Variants in MAST2 observed in about 807,000 individuals in gnomAD.
MAST2 encodes microtubule associated serine/threonine kinase 2.
In MAST2, 70 loss-of-function variants were observed where a neutral mutation model predicts 147.4. The ratio of observed to expected loss-of-function variants is 0.47; its 90% CI spans 0.39 to 0.58. The LOEUF (loss-of-function observed/expected upper bound fraction) is 0.58. Among genes scored for constraint, MAST2 ranks in the 20% least tolerant of loss-of-function variants. MAST2 has a pLI of 0.00. For synonymous variants in MAST2, 869 were observed against 896.8 expected (o/e 0.97, Z 0.55); for missense variants, 2,080 against 2,302.3 (o/e 0.90, Z 1.98).
intron 3 of MAST2, among the ~76,000 whole-genome samples, chr1:45,852,385 A>C (rs1645651120): frequency 6.6e-6 from 1 of 152,040 alleles, no homozygotes; most frequent in Non-Finnish European, 1.5e-5. Context: ...CTTTTGATAC[A>C]GGGTCTCACT....
intron 4 of MAST2, among the ~76,000 whole-genome samples, chr1:45,927,453 A>G (rs980976439): frequency 3.9e-5 from 6 of 152,192 alleles, no homozygotes; most frequent in South Asian, 2.1e-4. Flanking sequence ...TTATAAGCCA[A>G]TACCTCCAGG....
intron 4 of MAST2, among the ~76,000 whole-genome samples, chr1:45,889,327 C>G (rs1647302565): frequency 6.6e-6 from 1 of 152,058 alleles, no homozygotes; most frequent in African/African-American, 2.4e-5. Flanking sequence ...GCTGGGACCA[C>G]AGGTGCACGC....
At chr1:45,887,414 G>T (rs1462459105) in intron 4 of MAST2, among the ~76,000 whole-genome samples, 3 of 152,148 alleles carry the variant, frequency 2.0e-5, no homozygotes, top group African/African-American at 4.8e-5. Context: ...GGCATTGCTG[G>T]CTTGTAGTCT....
At chr1:45,885,863 A>G (rs904164260) in intron 4 of MAST2, among the ~76,000 whole-genome samples, 3 of 152,206 alleles carry the variant, frequency 2.0e-5, no homozygotes, top group African/African-American at 4.8e-5. Flanking sequence ...AAAAACATGT[A>G]TGATATGCCA....
chr1:45,835,377 A>G (rs1292780035), intron 3 of MAST2, among the ~76,000 whole-genome samples: 1 of 152,190 alleles, frequency 6.6e-6, no homozygotes, highest in African/African-American at 2.4e-5. Context: ...ACTAAAAAAC[A>G]GTGTGAGAAT....
At chr1:45,826,027 A>C (rs1031554006) in intron 2 of MAST2, among the ~76,000 whole-genome samples, 2 of 152,040 alleles carry the variant, frequency 1.3e-5, no homozygotes, top group Non-Finnish European at 2.9e-5. Context: ...AGTGAGCATC[A>C]TTACACTCCA....
chr1:45,981,908 T>C (rs1644423859), intron 5 of MAST2, among the ~76,000 whole-genome samples: 1 of 151,442 alleles, frequency 6.6e-6, no homozygotes, highest in South Asian at 2.1e-4. Flanking sequence ...TGGTATGATC[T>C]CAGCTCACCG....
At chr1:45,916,760 G>A (rs1487431776) in intron 4 of MAST2, among the ~76,000 whole-genome samples, 1 of 152,160 alleles carries the variant, frequency 6.6e-6, no homozygotes, top group Non-Finnish European at 1.5e-5. Flanking sequence ...AATTTGCAGT[G>A]TTTGGTTTGC....
At chr1:45,988,245 C>T (rs1447100675) in intron 5 of MAST2, among the ~76,000 whole-genome samples, 2 of 152,062 alleles carry the variant, frequency 1.3e-5, no homozygotes, top group African/African-American at 2.4e-5. Flanking sequence ...AATTCCTAGC[C>T]TCAAGGGATT....
At chr1:46,006,990 C>A (rs960859487) in intron 8 of MAST2, among the ~76,000 whole-genome samples, 6 of 152,234 alleles carry the variant, frequency 3.9e-5, no homozygotes, top group Middle Eastern at 3.4e-3. Flanking sequence ...AATTAAATGT[C>A]CATTTGAATA....
intron 4 of MAST2, among the ~76,000 whole-genome samples, chr1:45,894,721 G>A (rs950620323): frequency 5.9e-5 from 9 of 152,156 alleles, no homozygotes; most frequent in Non-Finnish European, 1.3e-4. Flanking sequence ...TCCGAGTTGT[G>A]CCCTTCATTA....
intron 3 of MAST2, among the ~76,000 whole-genome samples, chr1:45,861,102 A>G (rs931180034): frequency 2.0e-5 from 3 of 152,228 alleles, no homozygotes; most frequent in African/African-American, 7.2e-5. Flanking sequence ...CAGACTTACC[A>G]GCACCTCTAT....
At chr1:45,989,359 T>C (rs1644771300) in intron 5 of MAST2, among the ~76,000 whole-genome samples, 1 of 152,228 alleles carries the variant, frequency 6.6e-6, no homozygotes, top group Non-Finnish European at 1.5e-5. Flanking sequence ...GAAACAACTT[T>C]ATCAAGTTGA....
chr1:45,841,902 G>A (rs1011179436), intron 3 of MAST2, among the ~76,000 whole-genome samples: 1 of 152,088 alleles, frequency 6.6e-6, no homozygotes, highest in Non-Finnish European at 1.5e-5. Context: ...TGTTAGCAAG[G>A]GTTGCAAAAT....
At chr1:46,027,997 G>T (rs898306267) in intron 17 of MAST2, 134 bp downstream of exon 17, 9 of 1,003,290 alleles carry the variant, frequency 9.0e-6, no homozygotes, top group Non-Finnish European at 1.3e-5. Flanking sequence ...GGGCAACATA[G>T]TGAGACCCCA....
chr1:45,930,411 G>GTTTTGTTTTGTTTTA (rs1557922933), intron 4 of MAST2, among the ~76,000 whole-genome samples: 1 of 151,492 alleles, frequency 6.6e-6, no homozygotes, highest in Non-Finnish European at 1.5e-5. Flanking sequence ...GTTTTGTTTT[G>GTTTTGTTTTGTTTTA]TTTTGTTTTG....
intron 1 of MAST2, among the ~76,000 whole-genome samples, chr1:45,820,880 T>A (rs1382375948): frequency 2.0e-5 from 3 of 146,522 alleles, no homozygotes; most frequent in African/African-American, 7.5e-5. Context: ...GATTTCAATT[T>A]CTCTTTCTTT....
intron 3 of MAST2, among the ~76,000 whole-genome samples, chr1:45,839,145 T>TTTTTTTTTTTC (rs1645196057): frequency 7.9e-6 from 1 of 126,536 alleles, no homozygotes; most frequent in African/African-American, 2.9e-5. Flanking sequence ...TTTTTTTTTT[T>TTTTTTTTTTTC]TGAGACGGAG....
At chr1:45,839,160 G>A (rs925766001) in intron 3 of MAST2, among the ~76,000 whole-genome samples, 4 of 122,464 alleles carry the variant, frequency 3.3e-5, no homozygotes, top group African/African-American at 9.8e-5. Context: ...ACGGAGTCTC[G>A]CTCTGTTTGC....
Sources: gnomAD v4.1 joint callset for allele counts (sites outside exome capture counted in the v4.1 genomes callset) on GRCh38, gnomAD v4.1.1 for gene constraint, MANE v1.5 for transcripts, NCBI Gene and HGNC (gene_info 2026-07-23, HGNC 2026-07-21) for gene names.